ADGRG7: variants seen among roughly 807,000 people sequenced by gnomAD.
The protein encoded by ADGRG7 is adhesion G protein-coupled receptor G7.
ADGRG7 carries 82 observed loss-of-function variants against 88.6 expected under a neutral mutation model. The observed-to-expected ratio is 0.93, with a 90% CI of 0.77 to 1.11. The LOEUF (loss-of-function observed/expected upper bound fraction) is 1.11, where lower values mean the gene tolerates loss of function less well. Ranked by LOEUF, ADGRG7 falls within the 50% of genes most tolerant of loss-of-function variation. The pLI is 0.00. For synonymous variants in ADGRG7, 381 were observed against 345.2 expected, an observed-to-expected ratio of 1.10 and a Z score of -1.15; for missense variants, 945 against 953.4, an observed-to-expected ratio of 0.99 and a Z score of 0.12.
intron 15 of ADGRG7, among the ~76,000 whole-genome samples, chr3:100,693,687 T>G (rs2094997601): frequency 6.6e-6 from 1 of 152,208 alleles, no homozygotes; most frequent in South Asian, 2.1e-4. Flanking sequence ...TTGAAATGAT[T>G]TAATAAAAAA....
intron 15 of ADGRG7, among the ~76,000 whole-genome samples, chr3:100,675,809 T>C (rs1237471543): frequency 6.6e-6 from 1 of 152,192 alleles, no homozygotes; most frequent in African/African-American, 2.4e-5. Context: ...GTTCAGGTTT[T>C]GTATTTCTTC....
intron 4 of ADGRG7, among the ~76,000 whole-genome samples, chr3:100,634,873 G>A (rs1707509849): frequency 6.6e-6 from 1 of 152,184 alleles, no homozygotes; most frequent in Admixed American, 6.5e-5. Context: ...CAGGGATCTA[G>A]CAATTGAATT....
chr3:100,612,316 G>C (rs1707165731), intron 1 of ADGRG7, among the ~76,000 whole-genome samples: 1 of 152,050 alleles, frequency 6.6e-6, no homozygotes, highest in South Asian at 2.1e-4. Context: ...TGCTATTTAT[G>C]TATTTAATTA....
chr3:100,617,633 G>C (rs569600486), intron 1 of ADGRG7, among the ~76,000 whole-genome samples: 14 of 152,238 alleles, frequency 9.2e-5, no homozygotes, highest in African/African-American at 2.9e-4. Context: ...ATTTGGGTTG[G>C]TTCCAAGTCT....
Position 100,695,017 on chromosome 3 carries a change from T to C in ADGRG7, c.*16T>C. 1 of 1,602,400 alleles carries C rather than the reference T, an allele frequency of 6.2e-7. No individual in the cohort carries two copies. Among genetic ancestry groups the C allele is most frequent in the Middle Eastern group, 1.7e-4 (1 of 6,006 alleles). On this transcript the variant is annotated 3_prime_UTR_variant, in exon 16 of 16. Transcript: ENST00000273352. ...AAGCATCTAGACAGTAAAACTTACC[T>C]GTTGTGGTCTTTTTAATCACCTCGT...
At chr3:100,641,613 G>A (rs76736271) in intron 6 of ADGRG7, among the ~76,000 whole-genome samples, 2,494 of 152,322 alleles carry the variant, frequency 0.016, 71 homozygotes, top group African/African-American at 0.056. Context: ...CACGCTACAC[G>A]TGATTCAGTC....
intron 14 of ADGRG7, chr3:100,665,101 C>T (rs770180088): frequency 1.4e-5 from 7 of 514,618 alleles, no homozygotes; most frequent in African/African-American, 5.9e-5. Context: ...TCAGTTCTTC[C>T]GTATTTCTTA....
intron 15 of ADGRG7, among the ~76,000 whole-genome samples, chr3:100,676,959 A>G (rs1456182080): frequency 6.6e-6 from 1 of 151,670 alleles, no homozygotes. Context: ...TTCTCCATCC[A>G]TTTATTTTCA....
At position 100,609,794 on chromosome 3, in the gene ADGRG7, G is replaced by T; in HGVS notation, c.-63G>T. On this transcript the variant is annotated 5_prime_UTR_variant, in exon 1 of 16. Coordinates refer to ENST00000273352, the MANE Select transcript of ADGRG7 (RefSeq NM_032787.3). ...GAATAGTTTCCGATTAAACTTTTTA[G>T]CTCAAGAAGAAAAGAAGCTAGTTAT... 1 of 1,264,118 alleles carries T rather than the reference G, an allele frequency of 7.9e-7. No homozygotes were observed. The highest frequency in any genetic ancestry group is 2.3e-5 in the East Asian group (1 of 42,716). The allele number at this position is 1,264,118 out of a possible 1,614,324, so 78.3% of individuals were successfully genotyped here. A position where few individuals can be genotyped will look rare whatever the true frequency, so the allele number is the denominator to read the frequency against.
chr3:100,674,596 G>A (rs927026998), intron 15 of ADGRG7, among the ~76,000 whole-genome samples: 1 of 72,986 alleles, frequency 1.4e-5, no homozygotes, highest in Admixed American at 1.4e-4. Context: ...TTTTTTTTTT[G>A]AGACAGAGTC....
At chr3:100,649,428 T>C (rs1405687416) in intron 10 of ADGRG7, among the ~76,000 whole-genome samples, 2 of 152,176 alleles carry the variant, frequency 1.3e-5, no homozygotes, top group African/African-American at 2.4e-5. Context: ...CTGAAACCAG[T>C]CCCCCTGCAA....
intron 6 of ADGRG7, among the ~76,000 whole-genome samples, chr3:100,638,013 C>T (rs1305903095): frequency 6.6e-6 from 1 of 152,208 alleles, no homozygotes; most frequent in East Asian, 1.9e-4. Flanking sequence ...CCCACAGCAG[C>T]ATCCAGAGGG....
Position 100,646,293 on chromosome 3 carries a change from G to A in ADGRG7, c.1110+185G>A, listed in dbSNP as rs1707744447. 3 of 621,894 alleles carry A rather than the reference G, an allele frequency of 4.8e-6. No homozygotes were observed. In the African/African-American group the frequency reaches 5.5e-5, roughly 11 times the overall value. 38.5% of individuals were successfully genotyped at this position (621,894 alleles called of 1,614,324 possible). A position where few individuals can be genotyped will look rare whatever the true frequency, so the allele number is the denominator to read the frequency against. ...TGAATAGCAAAAGCAGGGATATGTT[G>A]AATAAAAGAAATCTATAGCAAAACT... On this transcript the variant is annotated intron_variant, in intron 9 of 15. Coordinates refer to ENST00000273352, the MANE Select transcript of ADGRG7 (RefSeq NM_032787.3).
At chr3:100,636,843 C>T (rs541483944) in intron 5 of ADGRG7, among the ~76,000 whole-genome samples, 1 of 152,290 alleles carries the variant, frequency 6.6e-6, no homozygotes, top group Middle Eastern at 3.4e-3. Flanking sequence ...CTCTGACACA[C>T]TCCTGAGTTA....
chr3:100,685,602 C>A lies in ADGRG7; in HGVS notation c.2137-9142C>A, dbSNP rs190540066. Among the ~76,000 whole-genome samples the A allele has an allele frequency of 6.0e-3, 906 of 152,254 alleles. 13 individuals are homozygous for A. Among genetic ancestry groups the A allele is most frequent in the African/African-American group, 0.021 (862 of 41,528 alleles). ...ATGTGTTCTCATTGTTCAATTCCCA[C>A]CTATGAGTGAGAACATGCAGTGTTT... On this transcript the variant is annotated intron_variant, in intron 15 of 15. Coordinates refer to ENST00000273352, the MANE Select transcript of ADGRG7 (RefSeq NM_032787.3).
chr3:100,620,114 A>G (rs1707286831), intron 1 of ADGRG7, among the ~76,000 whole-genome samples: 1 of 152,196 alleles, frequency 6.6e-6, no homozygotes, highest in Admixed American at 6.5e-5. Flanking sequence ...AAAAAAGAGA[A>G]TTTTAGACCA....
At chr3:100,645,877 C>T (rs1034039873) in intron 8 of ADGRG7, 68 bp from the exon 9 acceptor site, 33 of 1,366,204 alleles carry the variant, frequency 2.4e-5, no homozygotes, top group Admixed American at 1.2e-4. Context: ...TCTACAATAA[C>T]GTGACATATT....
intron 10 of ADGRG7, among the ~76,000 whole-genome samples, chr3:100,648,142 A>G (rs1317184405): frequency 3.3e-5 from 5 of 152,166 alleles, no homozygotes; most frequent in Non-Finnish European, 7.4e-5. Flanking sequence ...TCAGGTTGCT[A>G]TACATGTTAA....
intron 11 of ADGRG7, among the ~76,000 whole-genome samples, chr3:100,652,283 T>C (rs886892846): frequency 6.6e-6 from 1 of 152,104 alleles, no homozygotes; most frequent in Non-Finnish European, 1.5e-5. Flanking sequence ...TTGTTCAGTG[T>C]GGGAATCCAA....
Sources: gnomAD v4.1 joint callset for allele counts (sites outside exome capture counted in the v4.1 genomes callset) on GRCh38, gnomAD v4.1.1 for gene constraint, MANE v1.5 for transcripts, NCBI Gene and HGNC (gene_info 2026-07-23, HGNC 2026-07-21) for gene names.